The following TBC1D1 variants were observed in gnomAD, a reference collection of about 807,000 sequenced individuals.
TBC1D1 encodes the protein TBC1 domain family member 1.
TBC1D1 carries 89 observed loss-of-function variants against 125.6 expected under a neutral mutation model. That is an observed-to-expected ratio of 0.71 (90% CI 0.60 to 0.85). TBC1D1 has a LOEUF of 0.85. Among genes scored for constraint, TBC1D1 ranks in the 40% least tolerant of loss-of-function variants. The pLI is 0.00. For missense variants in TBC1D1, 1,377 were observed against 1,469.2 expected, an observed-to-expected ratio of 0.94 and a Z score of 1.03; for synonymous variants, 565 against 564.1, an observed-to-expected ratio of 1.00 and a Z score of -0.02.
chr4:38,052,703 TACACACACACGCGCGCGCGC>T (rs1252299708), intron 11 of TBC1D1, among the ~76,000 whole-genome samples: 1 of 128,214 alleles, frequency 7.8e-6, no homozygotes, highest in Non-Finnish European at 1.6e-5. Context: ...CATGCGTATA[TACACACACACGCGCGCGCGC>T]GCGCGCACAC....
chr4:38,118,055 G>C lies in TBC1D1; in HGVS notation c.2825G>C (p.Arg942Thr). ...CAGATCCAGATGTACCAGCTCTCGA[G>C]GTTGCTTCATGATTACCACAGAGAC... The change falls in exon 17 of 20, where the codon AGG (arginine) becomes ACG (threonine). Residue 942 changes from arginine to threonine, a missense_variant. Coordinates refer to ENST00000261439, the MANE Select transcript of TBC1D1 (RefSeq NM_015173.4). 6.2e-7 allele frequency: 1 copy of C among 1,614,166 alleles called. No individual in the cohort carries two copies.
At chr4:38,033,777 G>C (rs1211921673) in intron 7 of TBC1D1, among the ~76,000 whole-genome samples, 1 of 152,140 alleles carries the variant, frequency 6.6e-6, no homozygotes, top group Non-Finnish European at 1.5e-5. Flanking sequence ...AGCATGTCAT[G>C]TAGTTGGAAT....
intron 2 of TBC1D1, among the ~76,000 whole-genome samples, chr4:37,975,838 A>G (rs1578118092): frequency 6.6e-6 from 1 of 152,206 alleles, no homozygotes; most frequent in South Asian, 2.1e-4. Context: ...ATATATAATC[A>G]TATCTAAGAT....
At chr4:38,025,539 C>G (rs187857103) in intron 6 of TBC1D1, among the ~76,000 whole-genome samples, 2 of 152,296 alleles carry the variant, frequency 1.3e-5, no homozygotes, top group East Asian at 1.9e-4. Context: ...GCTGCCGAAG[C>G]GAAGAATAAG....
chr4:37,987,576 G>A (rs1170463594), intron 2 of TBC1D1, among the ~76,000 whole-genome samples: 2 of 152,120 alleles, frequency 1.3e-5, no homozygotes, highest in African/African-American at 4.8e-5. Flanking sequence ...TTTAAAAATA[G>A]ATATACCATA....
At position 38,098,687 on chromosome 4, in the gene TBC1D1, G is replaced by T. The variant is rs551657692; in HGVS notation, c.2398+2597G>T. On this transcript the variant is annotated intron_variant, in intron 14 of 19. Transcript: ENST00000261439. ...ATTTAACAACTCCAAACAAATGAGGGCGGTCTATTTTGTGGTTCAGAATAA... is the reference window on the plus strand; with the variant it reads ...ATTTAACAACTCCAAACAAATGAGGTCGGTCTATTTTGTGGTTCAGAATAA... 3.9e-4 allele frequency among the ~76,000 whole-genome samples: 60 copies of T among 152,306 alleles called. 1 individual carries two copies. The South Asian group carries it at 0.012, about 31-fold the overall frequency.
chr4:37,911,999 A>C (rs78813014), intron 2 of TBC1D1, among the ~76,000 whole-genome samples: 2,700 of 152,326 alleles, frequency 0.018, 85 homozygotes, highest in African/African-American at 0.062. Context: ...TCCTGAGTAT[A>C]ATAGCCATCT....
chr4:38,071,700 C>A (rs1754734473), intron 12 of TBC1D1, among the ~76,000 whole-genome samples: 2 of 152,328 alleles, frequency 1.3e-5, no homozygotes, highest in South Asian at 4.1e-4. Context: ...GTCCTTGGCA[C>A]ACTGTAGGTT....
chr4:37,897,387 T>C (rs1454191447), intron 1 of TBC1D1, among the ~76,000 whole-genome samples: 1 of 152,224 alleles, frequency 6.6e-6, no homozygotes, highest in African/African-American at 2.4e-5. Context: ...TAGCAGAATC[T>C]GAATTGCTTA....
At position 37,995,960 on chromosome 4, in the gene TBC1D1, C is replaced by G. The variant is rs1166675535; in HGVS notation, c.418-18549C>G. 1.8e-6 allele frequency: 1 copy of G among 560,070 alleles called. No individual in the cohort carries two copies. Among genetic ancestry groups the G allele is most frequent in the Non-Finnish European group, 3.5e-6 (1 of 282,958 alleles). 34.7% of individuals were successfully genotyped at this position (560,070 alleles called of 1,614,324 possible). A position where few individuals can be genotyped will look rare whatever the true frequency, so the allele number is the denominator to read the frequency against. On this transcript the variant is annotated intron_variant, in intron 2 of 19. Transcript: ENST00000261439. The surrounding 1 kb of genome is among the most constrained non-coding windows in gnomAD (Gnocchi z 4.3). ...ATCCACACTCAAGGACTTCTTTCTT[C>G]TCTTGCCTCTCTGTTTCTACCTCAT...
At chr4:38,025,665 A>ATATGTATC (rs1744934085) in intron 6 of TBC1D1, among the ~76,000 whole-genome samples, 1 of 152,232 alleles carries the variant, frequency 6.6e-6, no homozygotes, top group Non-Finnish European at 1.5e-5. Flanking sequence ...TCGTTTTTCC[A>ATATGTATC]AAATATGATA....
Position 37,960,709 on chromosome 4 carries a change from A to G in TBC1D1, c.418-53800A>G. On this transcript the variant is annotated intron_variant, in intron 2 of 19. Coordinates refer to ENST00000261439, the MANE Select transcript of TBC1D1 (RefSeq NM_015173.4). ...AAACAGCCAAGCTTTTCTGCCAAAAAGATGACCGAGAAGACTGTTAAAACA... is the reference window on the plus strand; with the variant it reads ...AAACAGCCAAGCTTTTCTGCCAAAAGGATGACCGAGAAGACTGTTAAAACA... 1 of 1,614,250 alleles carries G rather than the reference A, an allele frequency of 6.2e-7. No individual in the cohort carries two copies. The highest frequency in any genetic ancestry group is 1.3e-5 in the African/African-American group (1 of 75,056).
chr4:37,977,407 T>A lies in TBC1D1; in HGVS notation c.418-37102T>A. The A allele has an allele frequency of 1.3e-6, 1 of 756,906 alleles. No individual in the cohort carries two copies. Among genetic ancestry groups the A allele is most frequent in the Non-Finnish European group, 1.6e-6 (1 of 625,182 alleles). The allele number at this position is 756,906 out of a possible 1,614,324, so 46.9% of individuals were successfully genotyped here. A position where few individuals can be genotyped will look rare whatever the true frequency, so the allele number is the denominator to read the frequency against. On this transcript the variant is annotated intron_variant, in intron 2 of 19. Coordinates refer to ENST00000261439, the MANE Select transcript of TBC1D1 (RefSeq NM_015173.4). The surrounding 1 kb of genome is among the most constrained non-coding windows in gnomAD (Gnocchi z 4.3). ...GAGAGCGATGCCCCGGCCCCGCCGC[T>A]CCCCAAGCCCGCCCCCGGCCGCCCG...
intron 2 of TBC1D1, among the ~76,000 whole-genome samples, chr4:37,976,376 G>C (rs575984227): frequency 1.7e-4 from 26 of 152,348 alleles, no homozygotes; most frequent in African/African-American, 6.3e-4. Context: ...CTGGATTTCT[G>C]ACCCACAGAA....
rs575721207 is a variant in TBC1D1, at chr4:37,966,802, C to T, written c.418-47707C>T. 3.9e-5 allele frequency among the ~76,000 whole-genome samples: 6 copies of T among 152,278 alleles called. No individual in the cohort carries two copies. The South Asian group carries it at 1.2e-3, about 32-fold the overall frequency. ...CAACAGGCCCCGGTGTGTGATGTTC[C>T]CTGCCCTGGAGACACCTTTTATCTA... On this transcript the variant is annotated intron_variant, in intron 2 of 19. Coordinates refer to ENST00000261439, the MANE Select transcript of TBC1D1 (RefSeq NM_015173.4).
chr4:38,045,791 A>G, intron 9 of TBC1D1, 26 bp from the exon 10 acceptor site: 1 of 1,601,258 alleles, frequency 6.2e-7, no homozygotes, highest in Non-Finnish European at 8.6e-7. Context: ...CCAGAGTCAT[A>G]ACTCGACTGC....
At chr4:38,052,194 T>TGTGTGTGTGTGTGTGTGTGTGC (rs755025486) in intron 11 of TBC1D1, 134 bp downstream of exon 12, 56 of 581,494 alleles carry the variant, frequency 9.6e-5, no homozygotes, top group South Asian at 9.1e-4. Flanking sequence ...TGTGTGTGTG[T>TGTGTGTGTGTGTGTGTGTGTGC]GCGCGCGCGT....
chr4:37,894,282 C>A (rs149333114), intron 1 of TBC1D1, among the ~76,000 whole-genome samples: 1 of 152,036 alleles, frequency 6.6e-6, no homozygotes, highest in Non-Finnish European at 1.5e-5. Flanking sequence ...CCACGGCGCC[C>A]GACCAGTTTT....
chr4:38,137,480 A>T lies in TBC1D1; in HGVS notation c.*145A>T. 8.3e-7 allele frequency: 1 copy of T among 1,202,514 alleles called. No individual in the cohort carries two copies. Among genetic ancestry groups the T allele is most frequent in the South Asian group, 3.0e-5 (1 of 33,220 alleles). The allele number at this position is 1,202,514 out of a possible 1,614,324, so 74.5% of individuals were successfully genotyped here. A position where few individuals can be genotyped will look rare whatever the true frequency, so the allele number is the denominator to read the frequency against. ...CTTGCCAGCAAGTAGATTCTTACGAACTCCAACTTGCAATTCAGGGGGCAT... is the reference window on the plus strand; with the variant it reads ...CTTGCCAGCAAGTAGATTCTTACGATCTCCAACTTGCAATTCAGGGGGCAT... On this transcript the variant is annotated 3_prime_UTR_variant, in exon 20 of 20. Transcript: ENST00000261439.
Sources: gnomAD v4.1 joint callset for allele counts (sites outside exome capture counted in the v4.1 genomes callset) on GRCh38, gnomAD v4.1.1 for gene constraint, Gnocchi (gnomAD v3.1) non-coding constraint, MANE v1.5 for transcripts, NCBI Gene and HGNC (gene_info 2026-07-23, HGNC 2026-07-21) for gene names.